The following CTNNA2 variants were observed in gnomAD, a reference collection of about 807,000 sequenced individuals.
CTNNA2 encodes the protein catenin alpha 2.
Under a neutral mutation model 101.0 loss-of-function variants are expected in CTNNA2, and 42 were observed. That is an observed-to-expected ratio of 0.42 (90% CI 0.32 to 0.54). The LOEUF (loss-of-function observed/expected upper bound fraction) is 0.54, where lower values mean the gene tolerates loss of function less well. CTNNA2 is among the 20% of genes least tolerant of loss of function. The probability of loss-of-function intolerance (pLI) is 0.14; values close to 1 mark genes in which losing one functional copy is unlikely to be tolerated. For synonymous variants in CTNNA2, 450 were observed against 456.4 expected (o/e 0.99, Z 0.18); for missense variants, 871 against 1,223.1 (o/e 0.71, Z 4.29).
chr2:79,661,524 T>C (rs1682035074), intron 2 of CTNNA2, among the ~76,000 whole-genome samples: 1 of 152,346 alleles, frequency 6.6e-6, no homozygotes, highest in Middle Eastern at 3.4e-3. Flanking sequence ...CCCCACAAGA[T>C]ACTAAGGCCC....
chr2:80,114,867 C>T (rs1183877321), intron 7 of CTNNA2, among the ~76,000 whole-genome samples: 1 of 152,132 alleles, frequency 6.6e-6, no homozygotes, highest in African/African-American at 2.4e-5. Context: ...GATGTCAGTT[C>T]ATATCTTCAT....
rs114369974 is a variant in CTNNA2 at position 80,127,224 on chromosome 2, G to A, written c.1056+217427G>A. On this transcript the variant is annotated intron_variant, in intron 7 of 18. Transcript: ENST00000402739. ...TTTATCATAATGATTTACTATTTTA[G>A]ATCAAAAGGTTTTTTTTTGTTTTGT... is the stretch of plus-strand genomic sequence containing the variant. Among the ~76,000 whole-genome samples the A allele has an allele frequency of 1.5e-3, 223 of 152,210 alleles. 1 individual carries two copies. The highest frequency in any genetic ancestry group is 5.2e-3 in the African/African-American group (216 of 41,540).
intron 2 of CTNNA2, among the ~76,000 whole-genome samples, chr2:79,735,133 G>A (rs1670779713): frequency 6.6e-6 from 1 of 151,800 alleles, no homozygotes; most frequent in Non-Finnish European, 1.5e-5. Context: ...TTTCTCTCAT[G>A]TAAGCTTTTG....
intron 4 of CTNNA2, among the ~76,000 whole-genome samples, chr2:79,432,530 A>T (rs1678669207): frequency 6.6e-6 from 1 of 152,114 alleles, no homozygotes; most frequent in African/African-American, 2.4e-5. Flanking sequence ...CTTCGTTATT[A>T]GTTATCCATT....
rs911294114 is a variant in CTNNA2 at position 79,965,848 on chromosome 2, A to G, written c.1056+56051A>G. Among the ~76,000 whole-genome samples the G allele has an allele frequency of 3.4e-3, 506 of 149,266 alleles. 2 individuals are homozygous for G. Among genetic ancestry groups the G allele is most frequent in the African/African-American group, 0.012 (466 of 40,486 alleles). ...ATGTCAAAAAAAAAAAAAAAAAAAA[A>G]AAGAAGAAAAGAAAGAAAAGAAAAG... is the stretch of plus-strand genomic sequence containing the variant. On this transcript the variant is annotated intron_variant, in intron 7 of 18. Coordinates refer to ENST00000402739, the MANE Select transcript of CTNNA2 (RefSeq NM_001282597.3).
At chr2:79,188,209 T>C (rs981032138) in intron 1 of CTNNA2, among the ~76,000 whole-genome samples, 1 of 152,222 alleles carries the variant, frequency 6.6e-6, no homozygotes. Flanking sequence ...TTATGATGCA[T>C]GACATTCTAG....
intron 2 of CTNNA2, among the ~76,000 whole-genome samples, chr2:79,282,276 C>CT: frequency 6.6e-6 from 1 of 151,614 alleles, no homozygotes; most frequent in South Asian, 2.1e-4. Context: ...TATTATTATA[C>CT]TTTAAGTTTT....
intron 12 of CTNNA2, 41 bp downstream of exon 12, chr2:80,555,934 T>G: frequency 7.8e-7 from 1 of 1,289,252 alleles, no homozygotes; most frequent in African/African-American, 1.5e-5. Context: ...GTTAATGCCT[T>G]GATTAGTTTC....
intron 7 of CTNNA2, among the ~76,000 whole-genome samples, chr2:80,368,943 T>C (rs1446663399): frequency 6.6e-6 from 1 of 151,008 alleles, no homozygotes; most frequent in East Asian, 2.0e-4. Context: ...CTGGTGAAGT[T>C]TGGAACTGTC....
At chr2:79,457,146 G>C (rs918793111) in intron 4 of CTNNA2, among the ~76,000 whole-genome samples, 5 of 150,854 alleles carry the variant, frequency 3.3e-5, no homozygotes, top group Admixed American at 3.3e-4. Context: ...AGCTTGCAGT[G>C]AGCCGAGATT....
At chr2:79,353,795 T>G (rs1351602653) in intron 3 of CTNNA2, among the ~76,000 whole-genome samples, 1 of 152,186 alleles carries the variant, frequency 6.6e-6, no homozygotes, top group Non-Finnish European at 1.5e-5. Context: ...GTTTTTGTGG[T>G]GGCAGATATC....
At chr2:79,412,341 C>G (rs1405981316) in intron 4 of CTNNA2, among the ~76,000 whole-genome samples, 1 of 151,934 alleles carries the variant, frequency 6.6e-6, no homozygotes, top group Non-Finnish European at 1.5e-5. Context: ...ATCAACGAGA[C>G]AGAAAGTTAA....
At chr2:80,104,872 G>A (rs1700783663) in intron 7 of CTNNA2, among the ~76,000 whole-genome samples, 1 of 152,174 alleles carries the variant, frequency 6.6e-6, no homozygotes, top group Non-Finnish European at 1.5e-5. Context: ...TTTTGAATTT[G>A]TAAATGTACA....
chr2:80,181,456 C>T (rs576646470), intron 7 of CTNNA2, among the ~76,000 whole-genome samples: 4 of 152,172 alleles, frequency 2.6e-5, no homozygotes, highest in Non-Finnish European at 5.9e-5. Context: ...CCAATCAATG[C>T]CCTCACTTTA....
In CTNNA2 at chr2:79,488,342, AAC is replaced by A. The variant is rs1405204570; in HGVS notation, c.-134-16708_-134-16707del. On this transcript the variant is annotated intron_variant, in intron 4 of 21. Transcript: ENST00000466387. ...TCAAAAAAAAAAAAAAAAAAAAAAA[AAC>A]ACAGTTCAAACACATGTGTGGCCTT... Among the ~76,000 whole-genome samples, 182 of 144,204 alleles carry A rather than the reference AAC, an allele frequency of 1.3e-3. 5 individuals carry two copies. The East Asian group carries it at 0.016, about 13-fold the overall frequency. 94.6% of individuals were successfully genotyped at this position (144,204 alleles called of 152,430 possible).
At chr2:79,738,825 C>T (rs1020172764) in intron 2 of CTNNA2, among the ~76,000 whole-genome samples, 5 of 152,128 alleles carry the variant, frequency 3.3e-5, no homozygotes, top group Admixed American at 3.3e-4. Context: ...CATTTTGAAC[C>T]TATGCTTTTC....
intron 7 of CTNNA2, among the ~76,000 whole-genome samples, chr2:79,950,286 T>C (rs1032521055): frequency 1.6e-4 from 24 of 152,228 alleles, no homozygotes; most frequent in Non-Finnish European, 1.5e-5. Context: ...GTAAATTTCA[T>C]ATTGAATCTC....
At chr2:79,531,983 A>G (rs1672775631) in intron 1 of CTNNA2, among the ~76,000 whole-genome samples, 1 of 152,120 alleles carries the variant, frequency 6.6e-6, no homozygotes, top group South Asian at 2.1e-4. Flanking sequence ...CCCAGACATT[A>G]GTAAATATTT....
At chr2:79,664,798 G>T (rs747925391) in intron 2 of CTNNA2, among the ~76,000 whole-genome samples, 1 of 131,402 alleles carries the variant, frequency 7.6e-6, no homozygotes, top group Non-Finnish European at 1.5e-5. Context: ...TGCAAACTCC[G>T]CCTCCCAGGT....
Sources: gnomAD v4.1 joint callset for allele counts (sites outside exome capture counted in the v4.1 genomes callset) on GRCh38, gnomAD v4.1.1 for gene constraint, MANE v1.5 for transcripts, NCBI Gene and HGNC (gene_info 2026-07-23, HGNC 2026-07-21) for gene names.